The following ASMTL variants were observed in gnomAD, a reference collection of about 807,000 sequenced individuals.
ASMTL encodes probable bifunctional dTTP/UTP pyrophosphatase/methyltransferase protein.
In ASMTL, 57 loss-of-function variants were observed where a neutral mutation model predicts 60.3. The observed-to-expected ratio is 0.95, with a 90% confidence interval of 0.76 to 1.18. ASMTL has a LOEUF of 1.18. Ranked by LOEUF, ASMTL falls within the 50% of genes most tolerant of loss-of-function variation. The pLI is 0.00. For synonymous variants in ASMTL, 419 were observed against 373.0 expected (o/e 1.12, Z -1.42); for missense variants, 981 against 852.6 (o/e 1.15, Z -1.88).
At chrX:1,415,220 C>CGTGAGCCTGGGCATGTGGCCCAGGT (rs1363600814) in intron 11 of ASMTL, among the ~76,000 whole-genome samples, 2 of 152,138 alleles carry the variant, frequency 1.3e-5, no homozygotes, top group Admixed American at 6.5e-5. Flanking sequence ...GGATTCCAGG[C>CGTGAGCCTGGGCATGTGGCCCAGGT]GTCTCCTGTC....
chrX:1,445,161 C>T (rs1390875629), intron 1 of ASMTL, among the ~76,000 whole-genome samples: 3 of 152,148 alleles, frequency 2.0e-5, no homozygotes, highest in East Asian at 1.9e-4. Flanking sequence ...TCCCAGTCCT[C>T]GGAGGACCAG....
intron 8 of ASMTL, among the ~76,000 whole-genome samples, chrX:1,424,282 A>G (rs1333747275): frequency 1.4e-5 from 2 of 144,056 alleles, no homozygotes; most frequent in East Asian, 4.2e-4. Context: ...TCATCCATCC[A>G]CCCATCCAAC....
chrX:1,414,936 T>C (rs376943906), intron 11 of ASMTL, among the ~76,000 whole-genome samples: 150 of 17,772 alleles, frequency 8.4e-3, no homozygotes, highest in African/African-American at 0.01. Context: ...AGCTGTCTCT[T>C]TTTTTATTTT....
At chrX:1,418,924 A>T in intron 10 of ASMTL, 58 bp downstream of exon 10, 4 of 1,607,050 alleles carry the variant, frequency 2.5e-6, no homozygotes, top group Non-Finnish European at 3.4e-6. Flanking sequence ...TGAGCAGGGA[A>T]GATACCTGTG....
At chrX:1,412,980 T>G in intron 11 of ASMTL, 126 bp from the exon 12 acceptor site, 2 of 1,042,112 alleles carry the variant, frequency 1.9e-6, no homozygotes, top group Non-Finnish European at 2.9e-6. Flanking sequence ...TGGGCGGGAA[T>G]GGGTCTTCCT....
At chrX:1,411,685 C>A (rs73180906) in intron 12 of ASMTL, among the ~76,000 whole-genome samples, 21,281 of 150,930 alleles carry the variant, frequency 0.14, 1,603 homozygotes, top group Middle Eastern at 0.18. Context: ...GACAGCAACA[C>A]CAGCCCACGG....
At position 1,403,344 on chromosome X, in the gene ASMTL, G is replaced by A. The variant is rs368649963; in HGVS notation, c.1791C>T (p.His597=). The change falls in exon 13 of 13, where the codon CAC becomes CAT. Residue 597 remains histidine (H), a synonymous_variant. Coordinates refer to ENST00000381317, the MANE Select transcript of ASMTL (RefSeq NM_004192.4). ...GCACCACCTGCACCTGGTGGAAGCC[G>A]TGCAGCTCCAGCAAGCACTGATACT... The part of the protein sequence containing the change: ...LGEYQCLLEL[H]GFHQVQVVHL... 17 of 1,613,354 alleles carry A rather than the reference G, an allele frequency of 1.1e-5. No individual in the cohort carries two copies. Among genetic ancestry groups the A allele is most frequent in the Admixed American group, 6.7e-5 (4 of 59,996 alleles).
At chrX:1,404,425 A>G (rs1273778368) in intron 12 of ASMTL, among the ~76,000 whole-genome samples, 1 of 151,088 alleles carries the variant, frequency 6.6e-6, no homozygotes, top group African/African-American at 2.4e-5. Context: ...GGATGCAGGC[A>G]TGGATGAGAT....
At chrX:1,450,576 C>A (rs1207211771) in intron 1 of ASMTL, among the ~76,000 whole-genome samples, 3 of 143,580 alleles carry the variant, frequency 2.1e-5, no homozygotes, top group African/African-American at 8.2e-5. Flanking sequence ...CTCCCCCATC[C>A]CTAGGGGCTC....
intron 1 of ASMTL, among the ~76,000 whole-genome samples, chrX:1,447,248 A>C (rs761421003): frequency 1.3e-5 from 2 of 152,340 alleles, no homozygotes; most frequent in East Asian, 3.9e-4. Flanking sequence ...GTCTGGATTC[A>C]CAGAGCAGGA....
Position 1,440,147 on chromosome X carries a change from C to T in ASMTL, c.226-1003G>A, listed in dbSNP as rs1294721310. 1.1e-4 allele frequency among the ~76,000 whole-genome samples: 16 copies of T among 149,958 alleles called. No individual in the cohort carries two copies. The East Asian group carries it at 2.2e-3, about 21-fold the overall frequency. ...TGTCGCCCAGGCTGGAGGGCAGTGG[C>T]GCGACCTCGGCTCACTGCAAGCTCC... is the stretch of plus-strand genomic sequence containing the variant. On this transcript the variant is annotated intron_variant, in intron 2 of 12. Coordinates refer to ENST00000381317, the MANE Select transcript of ASMTL (RefSeq NM_004192.4).
Position 1,431,365 on chromosome X carries a change from A to G in ASMTL, c.509+904T>C, listed in dbSNP as rs1313873891. On this transcript the variant is annotated intron_variant, in intron 6 of 12. Coordinates refer to ENST00000381317, the MANE Select transcript of ASMTL (RefSeq NM_004192.4). ...TATAAATATAAATTATATAATTTAT[A>G]TATAATTATAATCGATTATAACTAC... 3.0e-5 allele frequency among the ~76,000 whole-genome samples: 4 copies of G among 134,560 alleles called. No homozygotes were observed. The Admixed American group carries it at 3.3e-4, about 11-fold the overall frequency. 88.3% of individuals were successfully genotyped at this position (134,560 alleles called of 152,430 possible).
intron 12 of ASMTL, among the ~76,000 whole-genome samples, chrX:1,404,353 G>T (rs1428647561): frequency 6.7e-6 from 1 of 150,336 alleles, no homozygotes; most frequent in Non-Finnish European, 1.5e-5. Context: ...TGAATGCATG[G>T]ATGAGATGGA....
intron 1 of ASMTL, among the ~76,000 whole-genome samples, chrX:1,451,316 C>A (rs1439206335): frequency 1.4e-5 from 2 of 140,636 alleles, no homozygotes; most frequent in African/African-American, 2.7e-5. Flanking sequence ...CCTTCCCCAT[C>A]CCTAGGTGGT....
chrX:1,452,962 G>T, upstream of ASMTL: 1 of 735,074 alleles, frequency 1.4e-6, no homozygotes, highest in Non-Finnish European at 2.1e-6. Flanking sequence ...GCCCCCGCCC[G>T]CCTCCGCGAG....
intron 11 of ASMTL, among the ~76,000 whole-genome samples, chrX:1,416,290 C>T (rs1230017300): frequency 1.5e-4 from 23 of 149,984 alleles, no homozygotes; most frequent in South Asian, 2.1e-4. Context: ...CAGACAGGCA[C>T]GCACACAGAC....
At chrX:1,424,915 C>T (rs1174469069) in intron 8 of ASMTL, among the ~76,000 whole-genome samples, 1 of 136,740 alleles carries the variant, frequency 7.3e-6, no homozygotes, top group African/African-American at 2.6e-5. Context: ...CCTTCCCATC[C>T]ATGTATCTAT....
At chrX:1,453,072 C>T, upstream of ASMTL, 1 of 523,126 alleles carries the variant, frequency 1.9e-6, no homozygotes, top group Non-Finnish European at 3.2e-6. Flanking sequence ...GCCACACCTC[C>T]ATTGCCCTCT....
chrX:1,405,614 GTAGA>G lies in ASMTL; in HGVS notation c.1646-2129_1646-2126del, dbSNP rs1276919630. Among the ~76,000 whole-genome samples, 64 of 151,100 alleles carry G rather than the reference GTAGA, an allele frequency of 4.2e-4. 1 individual carries two copies. The highest frequency in any genetic ancestry group is 6.2e-4 in the Non-Finnish European group (42 of 67,754). On this transcript the variant is annotated intron_variant, in intron 12 of 12. Coordinates refer to ENST00000381317, the MANE Select transcript of ASMTL (RefSeq NM_004192.4). ...TGAATAGATGGTAGATGATGGGTAG[GTAGA>G]TAGATGAATGGATGGATAGATGGAT...
Sources: allele counts gnomAD v4.1 joint callset (sites outside exome capture counted in the v4.1 genomes callset), GRCh38; gene constraint gnomAD v4.1.1; transcripts MANE v1.5; gene names NCBI Gene and HGNC (gene_info 2026-07-23, HGNC 2026-07-21).